The following EIF3J variants were observed in gnomAD, a reference collection of about 807,000 sequenced individuals.
EIF3J encodes the protein eukaryotic translation initiation factor 3, subunit 1 (alpha, 35kD).
Under a neutral mutation model 39.0 loss-of-function variants are expected in EIF3J, and 15 were observed. The observed-to-expected ratio is 0.38, with a 90% CI of 0.26 to 0.59. The LOEUF is 0.59. Among genes scored for constraint, EIF3J ranks in the 20% least tolerant of loss-of-function variants. The probability of loss-of-function intolerance (pLI) is 0.60; values close to 1 mark genes in which losing one functional copy is unlikely to be tolerated. For synonymous variants in EIF3J, 98 were observed against 112.9 expected (o/e 0.87, Z 0.84); for missense variants, 226 against 308.6 (o/e 0.73, Z 2.00).
chr15:44,551,170 G>A (rs2082095845), intron 3 of EIF3J, among the ~76,000 whole-genome samples: 1 of 152,184 alleles, frequency 6.6e-6, no homozygotes, highest in Non-Finnish European at 1.5e-5. Flanking sequence ...AAAGGGTAGA[G>A]GTTCTGGCAT....
chr15:44,553,955 A>G (rs2082122607), intron 4 of EIF3J, among the ~76,000 whole-genome samples: 1 of 152,178 alleles, frequency 6.6e-6, no homozygotes, highest in Non-Finnish European at 1.5e-5. Flanking sequence ...TTTTTAAAAA[A>G]GGTTATAGAA....
intron 2 of EIF3J, among the ~76,000 whole-genome samples, chr15:44,539,722 ATTTCTT>A (rs1172578622): frequency 6.8e-4 from 101 of 147,746 alleles, no homozygotes; most frequent in African/African-American, 2.4e-3. Context: ...TTAGTGCTAA[ATTTCTT>A]TTTCTTTTTT....
At chr15:44,556,141 C>G (rs1595806699) in intron 5 of EIF3J, among the ~76,000 whole-genome samples, 1 of 152,272 alleles carries the variant, frequency 6.6e-6, no homozygotes, top group Admixed American at 6.5e-5. Flanking sequence ...GCTGGGATTA[C>G]AGGCATGAGC....
At chr15:44,554,028 G>C (rs551334046) in intron 4 of EIF3J, among the ~76,000 whole-genome samples, 1 of 152,046 alleles carries the variant, frequency 6.6e-6, no homozygotes, top group Non-Finnish European at 1.5e-5. Context: ...CTATTTAGTT[G>C]TGGGCAGGTT....
intron 2 of EIF3J, among the ~76,000 whole-genome samples, chr15:44,540,146 C>T (rs1427847280): frequency 2.7e-5 from 4 of 148,850 alleles, no homozygotes; most frequent in Non-Finnish European, 5.9e-5. Flanking sequence ...ACCATCTTGG[C>T]CAGGCCGGTC....
chr15:44,554,004 C>G (rs2082123139), intron 4 of EIF3J, among the ~76,000 whole-genome samples: 1 of 150,198 alleles, frequency 6.7e-6, no homozygotes, highest in Non-Finnish European at 1.5e-5. Flanking sequence ...TGTCACGTTA[C>G]CAGCTGTTAC....
At chr15:44,558,242 T>G (rs1042330722) in intron 6 of EIF3J, among the ~76,000 whole-genome samples, 2 of 152,154 alleles carry the variant, frequency 1.3e-5, no homozygotes, top group Non-Finnish European at 2.9e-5. Context: ...TGTTGTTGTT[T>G]TTGTGATGGA....
rs546820482 is a variant in EIF3J, at chr15:44,552,046, C to T, written c.294+524C>T. ...CCATGTTGGCCAGGATGGTCTCAAT[C>T]TCCTGACCTCGTGATCCACCCGCCT... On this transcript the variant is annotated intron_variant, in intron 4 of 7. Transcript: ENST00000261868. 7.5e-4 allele frequency among the ~76,000 whole-genome samples: 114 copies of T among 152,174 alleles called. 3 individuals carry two copies. In the South Asian group the frequency reaches 0.023, roughly 31 times the overall value.
At chr15:44,539,404 T>G (rs1295311725) in intron 2 of EIF3J, among the ~76,000 whole-genome samples, 1 of 151,806 alleles carries the variant, frequency 6.6e-6, no homozygotes, top group African/African-American at 2.4e-5. Context: ...GATTATCTTG[T>G]CCAGTTGCTC....
intron 5 of EIF3J, 139 bp downstream of exon 5, chr15:44,554,806 A>G (rs2140900334): frequency 4.0e-6 from 2 of 501,420 alleles, no homozygotes; most frequent in African/African-American, 2.0e-5. Flanking sequence ...ATCTCTGTGT[A>G]TATTTGAGAT....
chr15:44,552,553 ATTTCT>A (rs954849802), intron 4 of EIF3J, among the ~76,000 whole-genome samples: 21 of 143,870 alleles, frequency 1.5e-4, no homozygotes, highest in South Asian at 2.2e-4. Context: ...CCTATTTTCT[ATTTCT>A]TTTCTTTTCT....
In EIF3J at chr15:44,537,582, A is replaced by G. The variant is rs1045376986; in HGVS notation, c.147+155A>G. Among the ~76,000 whole-genome samples, 4 of 152,038 alleles carry G rather than the reference A, an allele frequency of 2.6e-5. No homozygotes were observed. The East Asian group carries it at 5.8e-4, about 22-fold the overall frequency. On this transcript the variant is annotated intron_variant, in intron 2 of 7. Coordinates refer to ENST00000261868, the MANE Select transcript of EIF3J (RefSeq NM_003758.4). ...CTCTCTTCCCCTCCGCTTGCCGGCC[A>G]TGTGTGGGCCGAAGACTGGCAGCGT...
chr15:44,538,716 C>T (rs1164867808), intron 2 of EIF3J, among the ~76,000 whole-genome samples: 1 of 152,176 alleles, frequency 6.6e-6, no homozygotes, highest in Non-Finnish European at 1.5e-5. Flanking sequence ...GTTGTAGAAA[C>T]ATGGGACTAG....
At chr15:44,545,903 T>G (rs2082049164) in intron 2 of EIF3J, among the ~76,000 whole-genome samples, 1 of 152,214 alleles carries the variant, frequency 6.6e-6, no homozygotes, top group Admixed American at 6.6e-5. Flanking sequence ...GGCCTGGGTT[T>G]CCTTTTCTTT....
At chr15:44,542,594 C>T (rs1258935528) in intron 2 of EIF3J, among the ~76,000 whole-genome samples, 1 of 152,122 alleles carries the variant, frequency 6.6e-6, no homozygotes, top group East Asian at 1.9e-4. Flanking sequence ...TAACTACTGG[C>T]CACATTGTTA....
chr15:44,553,390 G>A (rs568700494), intron 4 of EIF3J, among the ~76,000 whole-genome samples: 1 of 152,086 alleles, frequency 6.6e-6, no homozygotes, highest in African/African-American at 2.4e-5. Flanking sequence ...TACCTGGGAG[G>A]CTGAGGCAGG....
chr15:44,553,509 A>G lies in EIF3J; in HGVS notation c.295-1044A>G, dbSNP rs570489393. 2.2e-4 allele frequency among the ~76,000 whole-genome samples: 33 copies of G among 152,182 alleles called. No individual in the cohort carries two copies. The South Asian group carries it at 6.0e-3, about 28-fold the overall frequency. ...TCCATCTCAAAAAAAAAAAAGAAAA[A>G]ATAATTATATTCCAGTATAAAGAGA... On this transcript the variant is annotated intron_variant, in intron 4 of 7. Transcript: ENST00000261868.
intron 2 of EIF3J, among the ~76,000 whole-genome samples, chr15:44,543,225 A>G (rs1846333161): frequency 6.6e-6 from 1 of 152,100 alleles, no homozygotes; most frequent in Non-Finnish European, 1.5e-5. Context: ...TCTGTTTGGA[A>G]GTGTGACCAG....
chr15:44,557,490 T>A lies in EIF3J; in HGVS notation c.411T>A (p.Gly137=), dbSNP rs763854584. The change falls in exon 6 of 8, where the codon GGT becomes GGA. Residue 137 remains glycine, a splice_region_variant and synonymous_variant. Transcript: ENST00000261868. ...SDLELAKETF[G]VNNAVYGIDA... The stretch of plus-strand genomic sequence containing the variant: ...TTCAGTGCTTCTTTTCTCCTACAGG[T>A]GTTAATAATGCAGTTTATGGAATAG... 8.6e-6 allele frequency: 13 copies of A among 1,513,754 alleles called. No individual in the cohort carries two copies. The highest frequency in any genetic ancestry group is 1.1e-5 in the Non-Finnish European group (12 of 1,137,020). 93.8% of individuals were successfully genotyped at this position (1,513,754 alleles called of 1,614,324 possible).
Sources: gnomAD v4.1 joint callset for allele counts (sites outside exome capture counted in the v4.1 genomes callset) on GRCh38, gnomAD v4.1.1 for gene constraint, MANE v1.5 for transcripts, NCBI Gene and HGNC (gene_info 2026-07-23, HGNC 2026-07-21) for gene names.